Variants in C1orf141 observed in about 807,000 individuals in gnomAD.
The protein encoded by C1orf141 is chromosome 1 open reading frame 141.
A neutral mutation model predicts 23.2 loss-of-function variants in C1orf141; 19 were observed. The observed-to-expected ratio is 0.82, with a 90% CI of 0.57 to 1.20. The LOEUF is 1.20. C1orf141 is among the 50% of genes most tolerant of loss of function. The probability of loss-of-function intolerance (pLI) is 0.00; values close to 1 mark genes in which losing one functional copy is unlikely to be tolerated. For synonymous variants in C1orf141, 153 were observed against 154.6 expected (o/e 0.99, Z 0.08); for missense variants, 469 against 455.1 (o/e 1.03, Z -0.28).
chr1:67,094,975 C>T, intron 7 of C1orf141: 1 of 341,928 alleles, frequency 2.9e-6, no homozygotes, highest in East Asian at 5.2e-5. Context: ...TTTTATTCTA[C>T]AGTTCTATTA....
chr1:67,124,468 A>T (rs186244425), intron 4 of C1orf141, among the ~76,000 whole-genome samples: 1 of 152,196 alleles, frequency 6.6e-6, no homozygotes, highest in East Asian at 1.9e-4. Flanking sequence ...ATGCACCACC[A>T]AGCCCAGATA....
rs138260385 is a variant in C1orf141 at position 67,132,877 on chromosome 1, G to A, written c.-103-1650C>T. 2.3e-3 allele frequency among the ~76,000 whole-genome samples: 353 copies of A among 152,280 alleles called. 1 individual carries two copies. Among genetic ancestry groups the A allele is most frequent in the African/African-American group, 8.3e-3 (346 of 41,556 alleles). On this transcript the variant is annotated intron_variant, in intron 1 of 7. Transcript: ENST00000684719. ...TGTTCTTAATTTCTAGCACAGTAGTGACAGTTTTTTGTTGTTGTTTGTTCG... is the reference window on the plus strand; with the variant it reads ...TGTTCTTAATTTCTAGCACAGTAGTAACAGTTTTTTGTTGTTGTTTGTTCG...
chr1:67,137,242 T>C (rs569025376), upstream of C1orf141, among the ~76,000 whole-genome samples: 18 of 152,240 alleles, frequency 1.2e-4, no homozygotes, highest in African/African-American at 3.6e-4. Flanking sequence ...AGCTATTGTA[T>C]TTAGGGTTAT....
rs1645583494 is a variant in C1orf141 at position 67,092,928 on chromosome 1, G to C, written c.*77C>G. 1 of 1,133,884 alleles carries C rather than the reference G, an allele frequency of 8.8e-7. No individual in the cohort carries two copies. The highest frequency in any genetic ancestry group is 1.3e-6 in the Non-Finnish European group (1 of 794,392). 70.2% of individuals were successfully genotyped at this position (1,133,884 alleles called of 1,614,324 possible). ...TGATCAATTAGAACATTACTATTTGGATAAGAATTTCTTTTATAATTTTGG... is the reference window on the plus strand; with the variant it reads ...TGATCAATTAGAACATTACTATTTGCATAAGAATTTCTTTTATAATTTTGG... On this transcript the variant is annotated 3_prime_UTR_variant, in exon 8 of 8. Transcript: ENST00000684719.
At chr1:67,118,339 G>T (rs1361685118) in intron 4 of C1orf141, among the ~76,000 whole-genome samples, 3 of 152,186 alleles carry the variant, frequency 2.0e-5, no homozygotes, top group African/African-American at 7.2e-5. Flanking sequence ...ACCTGTTAGG[G>T]TCTGCTGTGG....
intron 5 of C1orf141, among the ~76,000 whole-genome samples, chr1:67,114,016 A>G (rs1158631069): frequency 6.6e-6 from 1 of 152,190 alleles, no homozygotes; most frequent in Admixed American, 6.5e-5. Flanking sequence ...TGAAGGTAAG[A>G]TCAAGTTTTG....
intron 5 of C1orf141, among the ~76,000 whole-genome samples, chr1:67,109,326 C>CAAAAAAAAAAAAAAAA (rs58157985): frequency 1.2e-5 from 1 of 83,426 alleles, no homozygotes; most frequent in African/African-American, 4.9e-5. Context: ...GACTCCGTCT[C>CAAAAAAAAAAAAAAAA]AAAAAAAAAA....
chr1:67,115,558 T>C (rs1176856654), intron 4 of C1orf141, 94 bp from the exon 5 acceptor site: 1 of 565,538 alleles, frequency 1.8e-6, no homozygotes, highest in Non-Finnish European at 3.1e-6. Context: ...AAGTCCTAGT[T>C]ATACAGACTT....
chr1:67,118,036 A>G (rs2102473088), intron 4 of C1orf141, among the ~76,000 whole-genome samples: 1 of 152,298 alleles, frequency 6.6e-6, no homozygotes, highest in Middle Eastern at 3.4e-3. Flanking sequence ...ATAAATGAGG[A>G]TACTCTTTCT....
At chr1:67,127,366 T>C (rs1294970089) in intron 2 of C1orf141, 109 bp from the exon 3 acceptor site, 2 of 625,666 alleles carry the variant, frequency 3.2e-6, no homozygotes, top group East Asian at 5.6e-5. Flanking sequence ...AGGTAAATAA[T>C]AGAATTGTTT....
chr1:67,138,601 T>C (rs780434528), upstream of C1orf141, among the ~76,000 whole-genome samples: 45 of 152,170 alleles, frequency 3.0e-4, no homozygotes, highest in Non-Finnish European at 5.3e-4. Flanking sequence ...GTCAAAACCA[T>C]GCAGCATAGA....
chr1:67,137,660 T>C (rs6588242), upstream of C1orf141, among the ~76,000 whole-genome samples: 83,864 of 152,044 alleles, frequency 0.55, 23,436 homozygotes, highest in East Asian at 0.7. Flanking sequence ...TTAGACTATC[T>C]CATATGACTC....
upstream of C1orf141, among the ~76,000 whole-genome samples, chr1:67,139,908 G>A (rs1463535969): frequency 6.6e-6 from 1 of 152,214 alleles, no homozygotes. Context: ...AATGAATTAT[G>A]GGTTAACAGA....
rs1645650408 is a variant in C1orf141, at chr1:67,095,319, G to A, written c.519C>T (p.Leu173=). The A allele has an allele frequency of 1.3e-5, 21 of 1,605,268 alleles. No homozygotes were observed. The highest frequency in any genetic ancestry group is 1.8e-5 in the Non-Finnish European group (21 of 1,173,076). The change falls in exon 7 of 8, where the codon CTC becomes CTT. Residue 173 remains leucine (L), a synonymous_variant. Transcript: ENST00000684719. ...KYRSVRKKSL[L]PLCFEDELKN... ...TCAATTCATCCTCAAAGCACAACGGGAGCAAGCTTTTCTTTCTTACTGACC... is the reference window on the plus strand; with the variant it reads ...TCAATTCATCCTCAAAGCACAACGGAAGCAAGCTTTTCTTTCTTACTGACC...
In C1orf141 at chr1:67,120,040, G is replaced by A. The variant is rs573491513; in HGVS notation, c.234-4576C>T. On this transcript the variant is annotated intron_variant, in intron 4 of 7. Coordinates refer to ENST00000684719, the MANE Select transcript of C1orf141 (RefSeq NM_001276351.2). ...GAGACCCCTGCCTGAGTGGGTTCTGGAGGCAGGACCACTAGTCTAGTGAAT... is the reference window on the plus strand; with the variant it reads ...GAGACCCCTGCCTGAGTGGGTTCTGAAGGCAGGACCACTAGTCTAGTGAAT... Among the ~76,000 whole-genome samples the A allele has an allele frequency of 2.6e-5, 4 of 152,316 alleles. No individual in the cohort carries two copies. The South Asian group carries it at 8.3e-4, about 32-fold the overall frequency.
chr1:67,137,883 C>T (rs1014326729), upstream of C1orf141, among the ~76,000 whole-genome samples: 13 of 152,206 alleles, frequency 8.5e-5, no homozygotes, highest in Non-Finnish European at 1.8e-4. Flanking sequence ...TGTGATTCTC[C>T]ACCCCTGCCT....
At chr1:67,099,433 CA>C (rs1645751723) in intron 5 of C1orf141, among the ~76,000 whole-genome samples, 1 of 152,146 alleles carries the variant, frequency 6.6e-6, no homozygotes, top group Non-Finnish European at 1.5e-5. Context: ...TAATAGCCAA[CA>C]GGTCACCATT....
At chr1:67,124,561 C>T (rs779098613) in intron 4 of C1orf141, among the ~76,000 whole-genome samples, 5 of 152,164 alleles carry the variant, frequency 3.3e-5, no homozygotes, top group African/African-American at 4.8e-5. Context: ...TCAGGCAATT[C>T]GCCCACCTCA....
upstream of C1orf141, among the ~76,000 whole-genome samples, chr1:67,136,729 T>C (rs1646588781): frequency 6.6e-6 from 1 of 152,210 alleles, no homozygotes; most frequent in African/African-American, 2.4e-5. Flanking sequence ...GGGTATTATC[T>C]TTGATTTTAG....
Sources: gnomAD v4.1 joint callset for allele counts (sites outside exome capture counted in the v4.1 genomes callset) on GRCh38, gnomAD v4.1.1 for gene constraint, MANE v1.5 for transcripts, NCBI Gene and HGNC (gene_info 2026-07-23, HGNC 2026-07-21) for gene names.